Variants in DPH7 observed in about 807,000 individuals in gnomAD.
The protein encoded by DPH7 is diphthine methyltransferase.
In DPH7, 44 loss-of-function variants were observed where a neutral mutation model predicts 41.7. The ratio of observed to expected loss-of-function variants is 1.05; its 90% CI spans 0.83 to 1.36. DPH7 has a LOEUF of 1.36. Among genes scored for constraint, DPH7 ranks in the 40% most tolerant of loss-of-function variants. The pLI is 0.00. For synonymous variants in DPH7, 275 were observed against 238.0 expected (o/e 1.16, Z -1.43); for missense variants, 629 against 577.5 (o/e 1.09, Z -0.91).
intron 1 of DPH7, 120 bp from the exon 2 acceptor site, chr9:137,577,723 G>C: frequency 7.7e-7 from 1 of 1,302,130 alleles, no homozygotes; most frequent in East Asian, 2.4e-5. Context: ...AATTCTGCCT[G>C]GAAGGAGAAC....
intron 3 of DPH7, 59 bp from the exon 4 acceptor site, chr9:137,574,902 A>T: frequency 6.2e-7 from 1 of 1,604,092 alleles, no homozygotes; most frequent in Non-Finnish European, 8.5e-7. Context: ...CCCCCAAAAG[A>T]CTTTTCCTCT....
Position 137,555,591 on chromosome 9 carries a change from T to C in DPH7, c.1007A>G (p.Tyr336Cys), listed in dbSNP as rs200029471. The C allele has an allele frequency of 1.1e-4, 174 of 1,613,142 alleles. No homozygotes were observed. Among genetic ancestry groups the C allele is most frequent in the South Asian group, 3.0e-4 (27 of 91,052 alleles). ...TSHTLPDSLV[Y>C]GADWSWLLFR... ...GAGCAGCCAGGACCAGTCGGCTCCA[T>C]ACACCAGCGAGTCGGGCAATGTGTG... Residue 336 changes from tyrosine to cysteine, a missense_variant, in exon 9 of 9, where the codon TAT (tyrosine) becomes TGT (cysteine). Tyr to Cys is a radical substitution (Grantham distance 194). Coordinates refer to ENST00000277540, the MANE Select transcript of DPH7 (RefSeq NM_138778.5).
At chr9:137,575,562 A>G (rs1002716688) in intron 3 of DPH7, 13 of 994,852 alleles carry the variant, frequency 1.3e-5, no homozygotes, top group Non-Finnish European at 1.6e-5. Flanking sequence ...TCTGCATCGG[A>G]GTGAGGGCGT....
At chr9:137,561,690 G>T (rs905116344) in intron 8 of DPH7, among the ~76,000 whole-genome samples, 8 of 151,904 alleles carry the variant, frequency 5.3e-5, no homozygotes, top group Admixed American at 2.0e-4. Context: ...AACAAAAAAT[G>T]TTACTAGATT....
At chr9:137,574,680 G>A in intron 4 of DPH7, 72 bp downstream of exon 4, 1 of 1,431,260 alleles carries the variant, frequency 7.0e-7, no homozygotes. Flanking sequence ...GGTGGCTGGA[G>A]CCCTCTAGCC....
chr9:137,568,879 A>G (rs1311831683), intron 5 of DPH7, among the ~76,000 whole-genome samples: 1 of 152,140 alleles, frequency 6.6e-6, no homozygotes. Context: ...CCAGTGAATA[A>G]AGCCCTGGCT....
chr9:137,561,090 C>T (rs1351644793), intron 8 of DPH7, among the ~76,000 whole-genome samples: 4 of 150,700 alleles, frequency 2.7e-5, no homozygotes. Context: ...TATTCAAGCA[C>T]CAATTGTCTC....
intron 8 of DPH7, among the ~76,000 whole-genome samples, chr9:137,561,034 A>AAAAAAAAAG (rs1564414568): frequency 2.3e-5 from 3 of 129,536 alleles, no homozygotes; most frequent in Non-Finnish European, 3.1e-5. Context: ...AAAAAAAAAA[A>AAAAAAAAAG]AAAAAAAGAA....
At position 137,577,505 on chromosome 9, in the gene DPH7, T is replaced by G. The variant is rs770899414; in HGVS notation, c.252A>C (p.Gln84His). 20 of 1,613,954 alleles carry G rather than the reference T, an allele frequency of 1.2e-5. No homozygotes were observed. Among genetic ancestry groups the G allele is most frequent in the Non-Finnish European group, 1.6e-5 (19 of 1,179,990 alleles). The change falls in exon 2 of 9, where the codon CAA (glutamine) becomes CAC (histidine). Residue 84 changes from glutamine to histidine, a missense_variant. Transcript: ENST00000277540. ...CCAGGATTGCAGAAGTATCTTTTCT[T>G]TGGACCTCGACCAGAGGGTGAATAG... ...NNSIHPLVEV[Q>H]RKDTSAILDM...
intron 5 of DPH7, among the ~76,000 whole-genome samples, chr9:137,571,369 T>C (rs1210119539): frequency 3.3e-5 from 5 of 151,946 alleles, no homozygotes; most frequent in African/African-American, 4.8e-5. Flanking sequence ...TGTATTTTAA[T>C]AGAGATGGGG....
intron 5 of DPH7, 46 bp from the exon 6 acceptor site, chr9:137,565,200 G>T (rs1161683467): frequency 6.2e-7 from 1 of 1,600,396 alleles, no homozygotes; most frequent in South Asian, 1.1e-5. Context: ...GACAGGAAAT[G>T]AGTGTTCTCA....
intron 2 of DPH7, chr9:137,576,479 T>G (rs1278066731): frequency 6.5e-6 from 2 of 308,702 alleles, no homozygotes; most frequent in East Asian, 1.2e-4. Context: ...GGCTCACACT[T>G]GTAACCCCAA....
rs1837223524 is a variant in DPH7 at position 137,555,046 on chromosome 9, A to C, written c.*193T>G. 1 of 587,532 alleles carries C rather than the reference A, an allele frequency of 1.7e-6. No individual in the cohort carries two copies. Among genetic ancestry groups the C allele is most frequent in the East Asian group, 3.3e-5 (1 of 30,640 alleles). 36.4% of individuals were successfully genotyped at this position (587,532 alleles called of 1,614,324 possible). On this transcript the variant is annotated 3_prime_UTR_variant, in exon 9 of 9. Transcript: ENST00000277540. ...CACTCTCTGCCAGACAGAATCACCC[A>C]GTCCACTTTCAGGGGCCCAGCAGGG...
At chr9:137,569,349 T>C (rs115426578) in intron 5 of DPH7, among the ~76,000 whole-genome samples, 1,046 of 87,380 alleles carry the variant, frequency 0.012, 22 homozygotes, top group African/African-American at 0.045. Flanking sequence ...ATCTACCCAC[T>C]ATCCATCCAA....
intron 5 of DPH7, among the ~76,000 whole-genome samples, chr9:137,571,493 T>C (rs1840426100): frequency 1.3e-5 from 2 of 152,096 alleles, no homozygotes; most frequent in Non-Finnish European, 1.5e-5. Context: ...CCTATATAAA[T>C]AATTTTTTTA....
intron 8 of DPH7, among the ~76,000 whole-genome samples, chr9:137,562,392 T>G (rs1052499311): frequency 6.6e-6 from 1 of 151,970 alleles, no homozygotes; most frequent in African/African-American, 2.4e-5. Context: ...ACATTAGAAA[T>G]CGGTAACAGA....
chr9:137,570,373 T>C (rs1218734616), intron 5 of DPH7, among the ~76,000 whole-genome samples: 2 of 152,138 alleles, frequency 1.3e-5, no homozygotes, highest in African/African-American at 2.4e-5. Flanking sequence ...ATGCCCCACA[T>C]ATCCACTCCA....
chr9:137,561,495 A>G (rs1838584976), intron 8 of DPH7, among the ~76,000 whole-genome samples: 1 of 145,598 alleles, frequency 6.9e-6, no homozygotes, highest in African/African-American at 2.6e-5. Context: ...GTGAGCCAAG[A>G]TAGCGCCACT....
intron 8 of DPH7, among the ~76,000 whole-genome samples, chr9:137,560,326 T>C (rs1182251218): frequency 1.3e-5 from 2 of 151,228 alleles, no homozygotes; most frequent in African/African-American, 2.5e-5. Flanking sequence ...GCACAACAAA[T>C]AGTCAATTGC....
Sources: gnomAD v4.1 joint callset for allele counts (sites outside exome capture counted in the v4.1 genomes callset) on GRCh38, gnomAD v4.1.1 for gene constraint, MANE v1.5 for transcripts, NCBI Gene and HGNC (gene_info 2026-07-23, HGNC 2026-07-21) for gene names.